Variants in BNC2 observed in about 807,000 individuals in gnomAD.
BNC2 encodes zinc finger protein basonuclin-2.
In BNC2, 20 loss-of-function variants were observed where a neutral mutation model predicts 76.3. That is an observed-to-expected ratio of 0.26 (90% CI 0.18 to 0.38). The LOEUF (loss-of-function observed/expected upper bound fraction) is 0.38, where lower values mean the gene tolerates loss of function less well. Ranked by LOEUF, BNC2 falls within the 10% of genes least tolerant of loss-of-function variation. The pLI is 1.00. For synonymous variants in BNC2, 582 were observed against 514.8 expected (o/e 1.13, Z -1.77); for missense variants, 1,382 against 1,399.8 (o/e 0.99, Z 0.20).
chr9:16,414,936 T>C lies in BNC2; in HGVS notation c.*4053A>G, dbSNP rs902890718. On this transcript the variant is annotated 3_prime_UTR_variant, in exon 7 of 7. Transcript: ENST00000380672. ...ATTCAAAGTTTTTTTTTTTTTTTTT[T>C]CCTTAGAGCAATGTATAATAATGGG... The C allele has an allele frequency of 4.9e-5, 7 of 143,070 alleles. No individual in the cohort carries two copies. The highest frequency in any genetic ancestry group is 9.0e-5 in the Non-Finnish European group (6 of 66,806). The allele number at this position is 143,070 out of a possible 1,614,324, so 8.9% of individuals were successfully genotyped here.
chr9:16,608,497 T>C (rs1820445953), intron 3 of BNC2, among the ~76,000 whole-genome samples: 1 of 152,108 alleles, frequency 6.6e-6, no homozygotes, highest in Non-Finnish European at 1.5e-5. Flanking sequence ...CATTTAAAAA[T>C]AATCAATTTT....
chr9:16,792,299 C>G (rs1426757561), intron 1 of BNC2, among the ~76,000 whole-genome samples: 3 of 152,160 alleles, frequency 2.0e-5, no homozygotes, highest in Non-Finnish European at 4.4e-5. Flanking sequence ...AAGCATGCAA[C>G]CTGTAAGCAG....
At chr9:16,829,142 A>G (rs1051493190) in intron 1 of BNC2, among the ~76,000 whole-genome samples, 1 of 152,202 alleles carries the variant, frequency 6.6e-6, no homozygotes, top group Non-Finnish European at 1.5e-5. Context: ...GCGGGACTGC[A>G]GCGGCCTCTG....
At position 16,437,812 on chromosome 9, in the gene BNC2, C is replaced by CT. The variant is rs1821050249; in HGVS notation, c.670-289dup. 3.3e-5 allele frequency among the ~76,000 whole-genome samples: 5 copies of CT among 152,200 alleles called. 1 individual carries two copies. The South Asian group carries it at 1.0e-3, about 32-fold the overall frequency. On this transcript the variant is annotated intron_variant, in intron 5 of 6. Transcript: ENST00000380672. ...GTGATCTAAAATGCCTTCAGTACTG[C>CT]TTTTTTAACAACAATGATCTATATA...
At chr9:16,489,294 G>A (rs1469916478) in intron 5 of BNC2, among the ~76,000 whole-genome samples, 1 of 152,104 alleles carries the variant, frequency 6.6e-6, no homozygotes, top group Admixed American at 6.5e-5. Context: ...ATGTGGCTAT[G>A]CAACTAAGGA....
intron 6 of BNC2, chr9:16,421,327 G>C: frequency 8.1e-7 from 1 of 1,227,254 alleles, no homozygotes; most frequent in Non-Finnish European, 1.1e-6. Flanking sequence ...GCAAGAATAA[G>C]AGACAGAGAG....
Position 16,518,946 on chromosome 9 carries a change from TA to T in BNC2, c.669+33583del. Among the ~76,000 whole-genome samples the T allele has an allele frequency of 2.6e-5, 4 of 152,344 alleles. No homozygotes were observed. In the South Asian group the frequency reaches 8.3e-4, roughly 32 times the overall value. The stretch of plus-strand genomic sequence containing the variant: ...AACCAGAAAACAAATGTCTTTATCA[TA>T]TAGTTTGGTGAGTCAAACAAACAAA... On this transcript the variant is annotated intron_variant, in intron 5 of 6. Transcript: ENST00000380672.
chr9:16,655,604 G>T (rs1196400040), intron 3 of BNC2, among the ~76,000 whole-genome samples: 1 of 152,118 alleles, frequency 6.6e-6, no homozygotes, highest in Non-Finnish European at 1.5e-5. Context: ...TTAATTAAAT[G>T]AATGAATCAG....
chr9:16,708,451 C>T (rs1823741356), intron 3 of BNC2, among the ~76,000 whole-genome samples: 1 of 152,146 alleles, frequency 6.6e-6, no homozygotes, highest in South Asian at 2.1e-4. Flanking sequence ...AAATCAACCC[C>T]CTCCTCAACA....
intron 5 of BNC2, among the ~76,000 whole-genome samples, chr9:16,446,348 T>A (rs1821231480): frequency 1.3e-5 from 2 of 152,190 alleles, no homozygotes; most frequent in Admixed American, 1.3e-4. Flanking sequence ...AAAGTGGAAG[T>A]TTGAGGAGCA....
intron 4 of BNC2, among the ~76,000 whole-genome samples, chr9:16,562,607 T>A (rs73419403): frequency 0.083 from 12,685 of 152,248 alleles, 1,167 homozygotes; most frequent in African/African-American, 0.22. Flanking sequence ...GCTAATAAAA[T>A]TAACAGAATA....
At chr9:16,419,929 T>C (rs1441747858) in intron 6 of BNC2, among the ~76,000 whole-genome samples, 1 of 152,172 alleles carries the variant, frequency 6.6e-6, no homozygotes, top group Non-Finnish European at 1.5e-5. Flanking sequence ...CGTGCACCTT[T>C]TTCTCAATGA....
intron 1 of BNC2, among the ~76,000 whole-genome samples, chr9:16,746,885 T>C (rs7029195): frequency 0.94 from 141,394 of 150,952 alleles, 66,300 homozygotes; most frequent in East Asian, 0.99. Context: ...TGAAGTAAAC[T>C]CTGGAGGCAG....
chr9:16,848,620 T>G (rs1819049441), intron 1 of BNC2, among the ~76,000 whole-genome samples: 1 of 152,194 alleles, frequency 6.6e-6, no homozygotes, highest in East Asian at 1.9e-4. Flanking sequence ...AAGGACCCTC[T>G]CTACCTTCAT....
intron 3 of BNC2, among the ~76,000 whole-genome samples, chr9:16,644,707 G>C (rs550618160): frequency 1.2e-3 from 176 of 152,320 alleles, no homozygotes; most frequent in African/African-American, 3.9e-3. Flanking sequence ...CATCAAGAGA[G>C]AAACAGAAAG....
intron 1 of BNC2, among the ~76,000 whole-genome samples, chr9:16,856,785 C>A (rs907812549): frequency 6.6e-6 from 1 of 152,162 alleles, no homozygotes; most frequent in Non-Finnish European, 1.5e-5. Context: ...AGAGAAAGAT[C>A]TGAACTATCA....
intron 3 of BNC2, among the ~76,000 whole-genome samples, chr9:16,695,215 G>A (rs1823301637): frequency 6.6e-6 from 1 of 152,086 alleles, no homozygotes. Context: ...TTTGGTATTA[G>A]TTGCCTCACA....
chr9:16,442,033 G>A (rs1179533510), intron 5 of BNC2, among the ~76,000 whole-genome samples: 1 of 152,098 alleles, frequency 6.6e-6, no homozygotes, highest in African/African-American at 2.4e-5. Context: ...GGCCCTCCCT[G>A]CAATTTTGTA....
intron 4 of BNC2, among the ~76,000 whole-genome samples, chr9:16,577,468 T>C (rs1819518075): frequency 1.3e-5 from 2 of 152,190 alleles, no homozygotes; most frequent in African/African-American, 2.4e-5. Flanking sequence ...ATTAACTTTA[T>C]ACTTCTCATC....
Sources: gnomAD v4.1 joint callset for allele counts (sites outside exome capture counted in the v4.1 genomes callset) on GRCh38, gnomAD v4.1.1 for gene constraint, MANE v1.5 for transcripts, NCBI Gene and HGNC (gene_info 2026-07-23, HGNC 2026-07-21) for gene names.